Variants in MTCL3 observed in about 807,000 individuals in gnomAD.
The protein encoded by MTCL3 is microtubule cross-linking factor 3.
chr6:127,507,610 G>A, the MTCL3 span, among the ~76,000 whole-genome samples: 2 of 151,824 alleles, frequency 1.3e-5, no homozygotes, highest in Non-Finnish European at 2.9e-5. Flanking sequence ...TTCATAGGCC[G>A]AGGTGGGCGG....
the MTCL3 span, among the ~76,000 whole-genome samples, chr6:127,479,967 A>G: frequency 6.6e-6 from 1 of 152,214 alleles, no homozygotes; most frequent in Non-Finnish European, 1.5e-5. Context: ...TGAGCAGTAA[A>G]TACTTTCTCC....
At chr6:127,514,558 T>A in the MTCL3 span, among the ~76,000 whole-genome samples, 1 of 152,242 alleles carries the variant, frequency 6.6e-6, no homozygotes. Flanking sequence ...CTTCTTCTCA[T>A]CACCTCTTGA....
At chr6:127,516,275 C>A in the MTCL3 span, 3 of 1,500,092 alleles carry the variant, frequency 2.0e-6, no homozygotes, top group Non-Finnish European at 1.8e-6. Flanking sequence ...GCTCCCGGAG[C>A]GGCCCCTTTG....
At chr6:127,514,198 C>A in the MTCL3 span, among the ~76,000 whole-genome samples, 3 of 152,092 alleles carry the variant, frequency 2.0e-5, no homozygotes, top group Admixed American at 1.3e-4. Context: ...TCTGAAGGAA[C>A]AATTGCACTT....
the MTCL3 span, among the ~76,000 whole-genome samples, chr6:127,490,482 A>C: frequency 6.6e-6 from 1 of 151,984 alleles, no homozygotes; most frequent in Non-Finnish European, 1.5e-5. Context: ...AAGTAAATTG[A>C]AAATCTTCTG....
the MTCL3 span, among the ~76,000 whole-genome samples, chr6:127,513,931 G>A: frequency 6.9e-4 from 105 of 152,174 alleles, no homozygotes; most frequent in South Asian, 0.013. Flanking sequence ...CTAAGCACTC[G>A]ACAAAAGTTA....
the MTCL3 span, chr6:127,516,697 C>G: frequency 6.6e-7 from 1 of 1,509,896 alleles, no homozygotes; most frequent in African/African-American, 1.4e-5. Flanking sequence ...AACCTTCCTT[C>G]CTAAGCTGGG....
chr6:127,475,149 G>A, the MTCL3 span: 4 of 755,784 alleles, frequency 5.3e-6, no homozygotes, highest in Non-Finnish European at 8.0e-6. The surrounding 1 kb of genome is among the most constrained non-coding windows in gnomAD (Gnocchi z 7.3). Context: ...GGCCGAGGCC[G>A]GGGGTTTCAG....
the MTCL3 span, chr6:127,515,564 C>T: frequency 6.8e-7 from 1 of 1,463,780 alleles, no homozygotes. The surrounding 1 kb of genome is among the most constrained non-coding windows in gnomAD (Gnocchi z 4.3). Context: ...TCTTGCATTT[C>T]TTCCTGCTCT....
the MTCL3 span, among the ~76,000 whole-genome samples, chr6:127,489,742 G>A: frequency 6.6e-6 from 1 of 152,348 alleles, no homozygotes; most frequent in South Asian, 2.1e-4. Context: ...GAGAGGTGAG[G>A]AAGCTGCAGA....
At chr6:127,501,447 C>T in the MTCL3 span, among the ~76,000 whole-genome samples, 1 of 152,136 alleles carries the variant, frequency 6.6e-6, no homozygotes, top group Non-Finnish European at 1.5e-5. Context: ...ATTAGTTGCT[C>T]ATTATATATC....
the MTCL3 span, among the ~76,000 whole-genome samples, chr6:127,487,005 A>G: frequency 6.6e-6 from 1 of 152,200 alleles, no homozygotes; most frequent in Non-Finnish European, 1.5e-5. Context: ...GAAGGAAACT[A>G]TAGAGACATT....
chr6:127,516,443 G>T, the MTCL3 span: 1 of 1,599,878 alleles, frequency 6.3e-7, no homozygotes, highest in Non-Finnish European at 8.5e-7. Flanking sequence ...ACTGGGGACC[G>T]GGTGGCCGCG....
chr6:127,474,139 T>C, the MTCL3 span, among the ~76,000 whole-genome samples: 2 of 140,656 alleles, frequency 1.4e-5, no homozygotes, highest in Non-Finnish European at 3.1e-5. Flanking sequence ...AATGATCATG[T>C]TATTTCAACT....
the MTCL3 span, among the ~76,000 whole-genome samples, chr6:127,511,254 T>A: frequency 2.0e-5 from 3 of 152,256 alleles, no homozygotes; most frequent in African/African-American, 7.2e-5. Context: ...AGATAATACA[T>A]CTTTTTGCTG....
chr6:127,512,144 T>C, the MTCL3 span, among the ~76,000 whole-genome samples: 1 of 152,214 alleles, frequency 6.6e-6, no homozygotes, highest in Non-Finnish European at 1.5e-5. Flanking sequence ...CTGTCTCTTT[T>C]CTCCTCCATT....
chr6:127,516,619 A>G, the MTCL3 span: 1 of 1,595,522 alleles, frequency 6.3e-7, no homozygotes, highest in East Asian at 2.2e-5. Flanking sequence ...ACTCATGGCT[A>G]TGAACCTACC....
chr6:127,515,611 G>A, the MTCL3 span: 2 of 1,417,506 alleles, frequency 1.4e-6, no homozygotes, highest in Non-Finnish European at 1.8e-6. The surrounding 1 kb of genome is among the most constrained non-coding windows in gnomAD (Gnocchi z 4.3). Context: ...CGAAGGGGGC[G>A]CTGCCGCCTG....
chr6:127,483,036 A>G, the MTCL3 span: 16 of 1,446,484 alleles, frequency 1.1e-5, no homozygotes, highest in Non-Finnish European at 1.5e-5. Flanking sequence ...TTTTAATTCA[A>G]TTTTATGTTT....
Sources: allele counts gnomAD v4.1 joint callset (sites outside exome capture counted in the v4.1 genomes callset), GRCh38; gene constraint gnomAD v4.1.1; non-coding constraint Gnocchi (gnomAD v3.1); transcripts MANE v1.5; gene names NCBI Gene and HGNC (gene_info 2026-07-23, HGNC 2026-07-21).